DMXL1: variants seen among roughly 807,000 people sequenced by gnomAD.
DMXL1 encodes dmX-like protein 1.
DMXL1 carries 99 observed loss-of-function variants against 319.2 expected under a neutral mutation model. That is an observed-to-expected ratio of 0.31 (90% confidence interval 0.26 to 0.37). The LOEUF (loss-of-function observed/expected upper bound fraction) is 0.37, where lower values mean the gene tolerates loss of function less well. DMXL1 is among the 10% of genes least tolerant of loss of function. DMXL1 has a pLI of 1.00. For missense variants in DMXL1, 3,745 were observed against 3,595.6 expected, an observed-to-expected ratio of 1.04 and a Z score of -1.06; for synonymous variants, 1,385 against 1,235.2, an observed-to-expected ratio of 1.12 and a Z score of -2.54.
At chr5:119,161,580 C>G (rs1772280789) in intron 19 of DMXL1, among the ~76,000 whole-genome samples, 1 of 152,246 alleles carries the variant, frequency 6.6e-6, no homozygotes, top group African/African-American at 2.4e-5. Context: ...GGCCTGTCTT[C>G]TAAGGAAATA....
intron 39 of DMXL1, chr5:119,236,395 G>A (rs926730994): frequency 2.0e-5 from 3 of 152,052 alleles, no homozygotes; most frequent in South Asian, 4.1e-4. Flanking sequence ...GTATATATAG[G>A]AATGTTCAAA....
At position 119,071,256 on chromosome 5, in the gene DMXL1, C is replaced by T. The variant is rs1296131293; in HGVS notation, c.-314C>T. Reference sequence around the variant, plus strand: ...GTGTGGACAGCGCGGCCTTCCTGGCCGGTGAGTCGGCCCCGGGTCGTGGCC... The same window carrying T: ...GTGTGGACAGCGCGGCCTTCCTGGCTGGTGAGTCGGCCCCGGGTCGTGGCC... On this transcript the variant is annotated 5_prime_UTR_variant, in exon 1 of 44. Coordinates refer to ENST00000539542, the MANE Select transcript of DMXL1 (RefSeq NM_001290321.3). 3 of 363,412 alleles carry T rather than the reference C, an allele frequency of 8.3e-6. No individual in the cohort carries two copies. The highest frequency in any genetic ancestry group is 2.6e-5 in the South Asian group (1 of 39,180). The allele number at this position is 363,412 out of a possible 1,614,324, so 22.5% of individuals were successfully genotyped here.
chr5:119,121,226 G>A, intron 9 of DMXL1, 87 bp downstream of exon 9: 2 of 1,123,418 alleles, frequency 1.8e-6, no homozygotes, highest in Non-Finnish European at 2.4e-6. Flanking sequence ...TTTCAAATAA[G>A]TAAAATATTG....
chr5:119,171,034 A>G lies in DMXL1; in HGVS notation c.6243A>G (p.Glu2081=), dbSNP rs762983015. The change falls in exon 24 of 44, where the codon GAA becomes GAG. Residue 2081 remains glutamate, a synonymous_variant. Coordinates refer to ENST00000539542, the MANE Select transcript of DMXL1 (RefSeq NM_001290321.3). ...QRTCDFCSDA[E]ELQSAFGRNE... is the part of the protein sequence containing the mutation. Reference sequence around the variant, plus strand: ...CTTGTGACTTTTGCTCAGATGCTGAAGAACTACAGTCTGCATTTGGCAGAA... The same window carrying G: ...CTTGTGACTTTTGCTCAGATGCTGAGGAACTACAGTCTGCATTTGGCAGAA... 6.2e-7 allele frequency: 1 copy of G among 1,613,926 alleles called. No homozygotes were observed. Among genetic ancestry groups the G allele is most frequent in the Middle Eastern group, 1.7e-4 (1 of 6,060 alleles).
rs115324916 is a variant in DMXL1, at chr5:119,241,253, C to T, written c.8704+782C>T. Among the ~76,000 whole-genome samples the T allele has an allele frequency of 2.1e-3, 312 of 152,120 alleles. 9 individuals are homozygous for T. Among genetic ancestry groups the T allele is most frequent in the Non-Finnish European group, 2.6e-3 (176 of 68,000 alleles). ...ACAAGATGAATTTTCTGTCTGAGGC[C>T]GGGCGCAGTGGCTCATGCCTGTAAT... On this transcript the variant is annotated intron_variant, in intron 42 of 43. Coordinates refer to ENST00000539542, the MANE Select transcript of DMXL1 (RefSeq NM_001290321.3).
At position 119,147,230 on chromosome 5, in the gene DMXL1, C is replaced by A. The variant is rs181458038; in HGVS notation, c.2690-19C>A. 51 of 1,601,468 alleles carry A rather than the reference C, an allele frequency of 3.2e-5. 1 individual carries two copies. The East Asian group carries it at 6.3e-4, about 20-fold the overall frequency. On this transcript the variant is annotated intron_variant, in intron 16 of 43. Coordinates refer to ENST00000539542, the MANE Select transcript of DMXL1 (RefSeq NM_001290321.3). ...GGTTCCCCTGCCTCAGTTTTTGGTT[C>A]TTTTCTTATGTTTTGTAGATGAAAA...
chr5:119,123,112 C>G (rs963332981), intron 9 of DMXL1, among the ~76,000 whole-genome samples: 1 of 152,074 alleles, frequency 6.6e-6, no homozygotes, highest in African/African-American at 2.4e-5. Flanking sequence ...ACCGGCCCGG[C>G]CAACACAGCG....
Position 119,173,799 on chromosome 5 carries a change from A to G in DMXL1, c.6682-1462A>G, listed in dbSNP as rs1279823091. 6.8e-5 allele frequency among the ~76,000 whole-genome samples: 3 copies of G among 44,278 alleles called. No homozygotes were observed. The South Asian group carries it at 2.6e-3, about 39-fold the overall frequency. The allele number at this position is 44,278 out of a possible 152,430, so 29.0% of individuals were successfully genotyped here. On this transcript the variant is annotated intron_variant, in intron 25 of 43. Transcript: ENST00000539542. Reference sequence around the variant, plus strand: ...GTGTATATATATATATATATATATAATGAGAGAGAGATTTATTATAAGGAA... The same window carrying G: ...GTGTATATATATATATATATATATAGTGAGAGAGAGATTTATTATAAGGAA...
intron 3 of DMXL1, among the ~76,000 whole-genome samples, chr5:119,104,893 T>C (rs1757996765): frequency 6.6e-6 from 1 of 152,214 alleles, no homozygotes; most frequent in African/African-American, 2.4e-5. Context: ...TTTTTAACTG[T>C]AATAATAAAG....
chr5:119,096,622 A>G (rs1756036593), intron 1 of DMXL1, among the ~76,000 whole-genome samples: 1 of 152,190 alleles, frequency 6.6e-6, no homozygotes, highest in African/African-American at 2.4e-5. Flanking sequence ...TATGAATCCT[A>G]GGAGAACAAC....
At chr5:119,208,585 G>A (rs1326449913) in intron 34 of DMXL1, among the ~76,000 whole-genome samples, 1 of 152,028 alleles carries the variant, frequency 6.6e-6, no homozygotes, top group Non-Finnish European at 1.5e-5. Flanking sequence ...TCATAATGTT[G>A]TATTTCTATA....
chr5:119,205,107 T>C (rs975343257), intron 33 of DMXL1, among the ~76,000 whole-genome samples: 2 of 152,202 alleles, frequency 1.3e-5, no homozygotes, highest in African/African-American at 4.8e-5. Flanking sequence ...GGTGTAATAT[T>C]GAAATTTAGA....
At position 119,194,051 on chromosome 5, in the gene DMXL1, A is replaced by T; in HGVS notation, c.7457+81A>T. 4 of 1,009,424 alleles carry T rather than the reference A, an allele frequency of 4.0e-6. No homozygotes were observed. In the South Asian group the frequency reaches 8.9e-5, roughly 22 times the overall value. 62.5% of individuals were successfully genotyped at this position (1,009,424 alleles called of 1,614,324 possible). A position where few individuals can be genotyped will look rare whatever the true frequency, so the allele number is the denominator to read the frequency against. The stretch of plus-strand genomic sequence containing the variant: ...TATTTTTGAAAAAATTACATGTGAA[A>T]TTAATAGCTTGTTGACTTTATAACA... On this transcript the variant is annotated intron_variant, in intron 30 of 43. Coordinates refer to ENST00000539542, the MANE Select transcript of DMXL1 (RefSeq NM_001290321.3).
chr5:119,114,120 A>G (rs1760276808), intron 5 of DMXL1, among the ~76,000 whole-genome samples: 1 of 152,210 alleles, frequency 6.6e-6, no homozygotes, highest in South Asian at 2.1e-4. Context: ...CTTATTATAT[A>G]TTATCCATGA....
At chr5:119,239,281 A>G (rs868507996) in intron 41 of DMXL1, among the ~76,000 whole-genome samples, 46 of 152,258 alleles carry the variant, frequency 3.0e-4, no homozygotes, top group Middle Eastern at 3.4e-3. Flanking sequence ...CTCCTGCCCC[A>G]GTATCTGTCT....
chr5:119,115,382 CTA>C (rs1377445330), intron 6 of DMXL1, among the ~76,000 whole-genome samples: 5 of 152,076 alleles, frequency 3.3e-5, no homozygotes, highest in Admixed American at 6.5e-5. Context: ...TATTACCTGT[CTA>C]TTTTAAAGCA....
At chr5:119,094,407 A>G (rs1023862902) in intron 1 of DMXL1, among the ~76,000 whole-genome samples, 1 of 152,222 alleles carries the variant, frequency 6.6e-6, no homozygotes, top group African/African-American at 2.4e-5. Context: ...AGTTTACTAA[A>G]TATTTCCAGC....
chr5:119,239,959 C>CAAA (rs200453825), intron 41 of DMXL1, among the ~76,000 whole-genome samples: 25 of 121,346 alleles, frequency 2.1e-4, no homozygotes, highest in South Asian at 2.7e-4. Flanking sequence ...AACTCCATCT[C>CAAA]AAAAAAAAAA....
intron 1 of DMXL1, among the ~76,000 whole-genome samples, chr5:119,087,804 T>G (rs1324501287): frequency 6.6e-6 from 1 of 152,102 alleles, no homozygotes; most frequent in African/African-American, 2.4e-5. Context: ...TGCTTTATTT[T>G]TATTATTTTT....
Sources: allele counts gnomAD v4.1 joint callset (sites outside exome capture counted in the v4.1 genomes callset), GRCh38; gene constraint gnomAD v4.1.1; transcripts MANE v1.5; gene names NCBI Gene and HGNC (gene_info 2026-07-23, HGNC 2026-07-21).